The following NUDCD1 variants were observed in gnomAD, a reference collection of about 807,000 sequenced individuals.
NUDCD1 encodes the protein NudC domain containing 1, also known as nudC domain-containing protein 1.
NUDCD1 carries 60 observed loss-of-function variants against 67.8 expected under a neutral mutation model. The observed-to-expected ratio is 0.88, with a 90% CI of 0.72 to 1.10. The LOEUF (loss-of-function observed/expected upper bound fraction) is 1.10. Among genes scored for constraint, NUDCD1 ranks in the 50% least tolerant of loss-of-function variants. The pLI is 0.00. For missense variants in NUDCD1, 643 were observed against 695.0 expected (o/e 0.93, Z 0.84); for synonymous variants, 244 against 230.8 (o/e 1.06, Z -0.52).
At chr8:109,320,978 T>C (rs16879302) in intron 2 of NUDCD1, among the ~76,000 whole-genome samples, 14,926 of 152,164 alleles carry the variant, frequency 0.098, 778 homozygotes, top group Middle Eastern at 0.13. Context: ...GGAGATAGGA[T>C]AGATAAAAGA....
intron 8 of NUDCD1, among the ~76,000 whole-genome samples, chr8:109,246,934 T>G (rs1192384261): frequency 6.6e-6 from 1 of 152,164 alleles, no homozygotes; most frequent in Non-Finnish European, 1.5e-5. Context: ...ACACAGGCTA[T>G]TGGTCACAGG....
intron 2 of NUDCD1, among the ~76,000 whole-genome samples, chr8:109,299,408 C>T (rs543871162): frequency 4.7e-4 from 71 of 152,230 alleles, no homozygotes; most frequent in African/African-American, 1.7e-3. Context: ...GTGCTGTTGG[C>T]AAAGGCATGT....
At chr8:109,284,883 GTTTT>G (rs918276544) in intron 5 of NUDCD1, among the ~76,000 whole-genome samples, 1 of 150,416 alleles carries the variant, frequency 6.6e-6, no homozygotes, top group East Asian at 1.9e-4. Context: ...CCAAAAGTTG[GTTTT>G]TTTTTGAAAG....
rs78563376 is a variant in NUDCD1 at position 109,299,175 on chromosome 8, C to G, written c.274-2606G>C. Among the ~76,000 whole-genome samples the G allele has an allele frequency of 7.3e-3, 1,112 of 152,286 alleles. 20 individuals carry two copies. The highest frequency in any genetic ancestry group is 0.026 in the African/African-American group (1,074 of 41,552). On this transcript the variant is annotated intron_variant, in intron 2 of 9. Coordinates refer to ENST00000239690, the MANE Select transcript of NUDCD1 (RefSeq NM_032869.4). ...TCCTTCGGGAGGGCAGCCAGAGGCACCGGGCAAAGGCCACAGGGAAAAGGA... is the reference window on the plus strand; with the variant it reads ...TCCTTCGGGAGGGCAGCCAGAGGCAGCGGGCAAAGGCCACAGGGAAAAGGA...
intron 8 of NUDCD1, among the ~76,000 whole-genome samples, chr8:109,252,554 C>T (rs983686732): frequency 2.6e-5 from 4 of 152,168 alleles, no homozygotes; most frequent in South Asian, 2.1e-4. Context: ...GTCCTGCCCT[C>T]GCCAAGGTCC....
chr8:109,331,520 A>C (rs1416428298), intron 1 of NUDCD1, among the ~76,000 whole-genome samples: 3 of 151,486 alleles, frequency 2.0e-5, no homozygotes, highest in Admixed American at 6.6e-5. Flanking sequence ...AGACTCAAAA[A>C]AAAAAAAAAA....
rs771746265 is a variant in NUDCD1, at chr8:109,334,040, A to T, written c.-30T>A. The T allele has an allele frequency of 1.2e-6, 2 of 1,613,812 alleles. No individual in the cohort carries two copies. On this transcript the variant is annotated 5_prime_UTR_variant, in exon 1 of 10. Coordinates refer to ENST00000239690, the MANE Select transcript of NUDCD1 (RefSeq NM_032869.4). Reference sequence around the variant, plus strand: ...TTCCAGGGCCGCAGCGTGAGAATTAATAAAGCCCTTGTTGAAAGGTCCGCG... The same window carrying T: ...TTCCAGGGCCGCAGCGTGAGAATTATTAAAGCCCTTGTTGAAAGGTCCGCG...
rs183124981 is a variant in NUDCD1 at position 109,282,329 on chromosome 8, T to A, written c.824-1157A>T. Among the ~76,000 whole-genome samples, 230 of 152,212 alleles carry A rather than the reference T, an allele frequency of 1.5e-3. 5 individuals are homozygous for A. The South Asian group carries it at 0.023, about 15-fold the overall frequency. Reference sequence around the variant, plus strand: ...AATTGGCTGTTACTAACAAGCACCATCTACTGGCTTGTAGGTTAAACTGCA... The same window carrying A: ...AATTGGCTGTTACTAACAAGCACCAACTACTGGCTTGTAGGTTAAACTGCA... On this transcript the variant is annotated intron_variant, in intron 5 of 9. Transcript: ENST00000239690.
intron 2 of NUDCD1, among the ~76,000 whole-genome samples, chr8:109,317,313 C>T (rs1243489873): frequency 6.6e-6 from 1 of 152,064 alleles, no homozygotes; most frequent in African/African-American, 2.4e-5. Context: ...CCTAGGGGTT[C>T]AAAACCAGCC....
At chr8:109,263,054 CAAAAAAAAAA>C (rs59659347) in intron 8 of NUDCD1, among the ~76,000 whole-genome samples, 14 of 42,014 alleles carry the variant, frequency 3.3e-4, no homozygotes, top group East Asian at 1.1e-3. Flanking sequence ...GACTCTGTCT[CAAAAAAAAAA>C]AAAAAAAAAA....
chr8:109,255,410 T>C (rs191019961), intron 8 of NUDCD1, among the ~76,000 whole-genome samples: 27 of 152,318 alleles, frequency 1.8e-4, no homozygotes, highest in African/African-American at 6.3e-4. Context: ...GACTGAAGCA[T>C]AGGAAGATGT....
At chr8:109,290,925 C>T (rs1348932167) in intron 4 of NUDCD1, among the ~76,000 whole-genome samples, 1 of 152,138 alleles carries the variant, frequency 6.6e-6, no homozygotes, top group Non-Finnish European at 1.5e-5. Flanking sequence ...TCAGTTCACA[C>T]ATATTTAAGA....
intron 1 of NUDCD1, among the ~76,000 whole-genome samples, chr8:109,332,958 C>T (rs1340228638): frequency 6.6e-6 from 1 of 152,196 alleles, no homozygotes; most frequent in Admixed American, 6.5e-5. Flanking sequence ...ATCCCTATCA[C>T]TGCCTTCCCA....
At chr8:109,325,309 A>G (rs1410823616) in intron 1 of NUDCD1, among the ~76,000 whole-genome samples, 1 of 152,168 alleles carries the variant, frequency 6.6e-6, no homozygotes, top group Non-Finnish European at 1.5e-5. Flanking sequence ...TAACAACAAT[A>G]TATTGTGTAT....
At chr8:109,320,375 A>C (rs1433310788) in intron 2 of NUDCD1, among the ~76,000 whole-genome samples, 1 of 152,200 alleles carries the variant, frequency 6.6e-6, no homozygotes, top group Non-Finnish European at 1.5e-5. Flanking sequence ...CCATGCTGAG[A>C]AAAAGAATTC....
Position 109,262,848 on chromosome 8 carries a change from G to A in NUDCD1, c.1299+8157C>T, listed in dbSNP as rs532273788. On this transcript the variant is annotated intron_variant, in intron 8 of 9. Coordinates refer to ENST00000239690, the MANE Select transcript of NUDCD1 (RefSeq NM_032869.4). ...AGGTGGGTGAATAACGAGGTCATGA[G>A]TTTGGGACCAGCCTGGCCAACATGG... Among the ~76,000 whole-genome samples the A allele has an allele frequency of 5.2e-3, 794 of 152,008 alleles. 5 individuals carry two copies. The highest frequency in any genetic ancestry group is 0.018 in the African/African-American group (731 of 41,432).
At chr8:109,271,211 G>T (rs968739554) in intron 7 of NUDCD1, 81 bp from the exon 8 acceptor site, 3 of 900,524 alleles carry the variant, frequency 3.3e-6, no homozygotes, top group Non-Finnish European at 3.4e-6. Context: ...AAAATTTTAA[G>T]GTTACAGCAG....
At chr8:109,261,594 C>T (rs1310985676) in intron 8 of NUDCD1, among the ~76,000 whole-genome samples, 1 of 151,878 alleles carries the variant, frequency 6.6e-6, no homozygotes, top group African/African-American at 2.4e-5. Flanking sequence ...AAATATTAGA[C>T]ATTTAGGACT....
intron 2 of NUDCD1, among the ~76,000 whole-genome samples, chr8:109,308,856 T>C (rs1815172354): frequency 6.6e-6 from 1 of 151,190 alleles, no homozygotes; most frequent in African/African-American, 2.4e-5. Context: ...AATGTAGTCC[T>C]AGCTACTCGG....
Sources: allele counts gnomAD v4.1 joint callset (sites outside exome capture counted in the v4.1 genomes callset), GRCh38; gene constraint gnomAD v4.1.1; transcripts MANE v1.5; gene names NCBI Gene and HGNC (gene_info 2026-07-23, HGNC 2026-07-21).